SLC18A1: variants seen among roughly 807,000 people sequenced by gnomAD.
SLC18A1 encodes chromaffin granule amine transporter.
In SLC18A1, 69 loss-of-function variants were observed where a neutral mutation model predicts 53.7. The ratio of observed to expected loss-of-function variants is 1.28; its 90% CI spans 1.06 to 1.57. The LOEUF (loss-of-function observed/expected upper bound fraction) is 1.57. Ranked by LOEUF, SLC18A1 falls within the 40% of genes most tolerant of loss-of-function variation. The pLI is 0.00. For missense variants in SLC18A1, 932 were observed against 668.1 expected, an observed-to-expected ratio of 1.40 and a Z score of -4.35; for synonymous variants, 320 against 248.1, an observed-to-expected ratio of 1.29 and a Z score of -2.72.
At chr8:20,146,621 C>T (rs753236290) in intron 15 of SLC18A1, among the ~76,000 whole-genome samples, 4 of 151,942 alleles carry the variant, frequency 2.6e-5, no homozygotes, top group Non-Finnish European at 5.9e-5. Flanking sequence ...CTTTTAAAAA[C>T]GTGACCTGCT....
intron 10 of SLC18A1, among the ~76,000 whole-genome samples, chr8:20,152,981 A>G (rs538503860): frequency 2.7e-4 from 41 of 152,328 alleles, no homozygotes; most frequent in Middle Eastern, 3.4e-3. Context: ...CATTGCTTCC[A>G]TTTTATCATA....
chr8:20,165,705 A>C (rs2071941052), intron 8 of SLC18A1, among the ~76,000 whole-genome samples: 1 of 152,178 alleles, frequency 6.6e-6, no homozygotes, highest in African/African-American at 2.4e-5. Flanking sequence ...CTTTCCAAGC[A>C]TCCCAGCAGT....
intron 15 of SLC18A1, among the ~76,000 whole-genome samples, chr8:20,146,880 G>T (rs2071416015): frequency 6.6e-6 from 1 of 151,616 alleles, no homozygotes. Flanking sequence ...GTGAATGAGT[G>T]GATGAACGGA....
At chr8:20,160,851 C>T (rs538734383) in intron 10 of SLC18A1, among the ~76,000 whole-genome samples, 15 of 151,676 alleles carry the variant, frequency 9.9e-5, no homozygotes, top group South Asian at 4.2e-4. Flanking sequence ...ATAATACAGC[C>T]GAAGGGTATC....
intron 8 of SLC18A1, among the ~76,000 whole-genome samples, chr8:20,170,553 T>A (rs1563757609): frequency 1.3e-5 from 2 of 151,838 alleles, no homozygotes; most frequent in Non-Finnish European, 1.5e-5. Flanking sequence ...CCAGAGCTGT[T>A]TTTGGCTTAG....
intron 10 of SLC18A1, among the ~76,000 whole-genome samples, chr8:20,157,658 T>G (rs999670113): frequency 2.0e-5 from 3 of 152,226 alleles, no homozygotes; most frequent in Admixed American, 1.3e-4. Flanking sequence ...TCTTAAAAGA[T>G]AAGTTTATCA....
chr8:20,174,654 A>G (rs2072212353), intron 4 of SLC18A1, among the ~76,000 whole-genome samples: 2 of 152,174 alleles, frequency 1.3e-5, no homozygotes, highest in East Asian at 1.9e-4. Context: ...CTGAGAAACC[A>G]CAGAAGTATA....
intron 8 of SLC18A1, among the ~76,000 whole-genome samples, chr8:20,166,949 G>A (rs560340063): frequency 6.6e-6 from 1 of 152,286 alleles, no homozygotes; most frequent in African/African-American, 2.4e-5. Context: ...CTGCAAGCCA[G>A]GAAGAGAGGC....
intron 10 of SLC18A1, among the ~76,000 whole-genome samples, chr8:20,153,208 G>A (rs1479601384): frequency 6.8e-6 from 1 of 146,456 alleles, no homozygotes; most frequent in African/African-American, 2.5e-5. Context: ...GACCAACAGC[G>A]TGGTTGTGCG....
At chr8:20,173,950 G>A (rs958972362) in intron 5 of SLC18A1, among the ~76,000 whole-genome samples, 1 of 147,444 alleles carries the variant, frequency 6.8e-6, no homozygotes, top group Admixed American at 6.8e-5. Context: ...AGGCTGAAGT[G>A]CAGAGGCACA....
At chr8:20,167,571 G>C (rs1476855041) in intron 8 of SLC18A1, among the ~76,000 whole-genome samples, 1 of 152,028 alleles carries the variant, frequency 6.6e-6, no homozygotes, top group Non-Finnish European at 1.5e-5. Context: ...GAAACAAGGT[G>C]ACCCCAATGG....
chr8:20,182,293 T>C (rs4922137), intron 1 of SLC18A1, among the ~76,000 whole-genome samples: 7,579 of 152,294 alleles, frequency 0.05, 240 homozygotes, highest in Middle Eastern at 0.095. Context: ...TTTTTCTTAG[T>C]GAAAAAAGTC....
At chr8:20,150,620 C>T (rs748110187) in intron 11 of SLC18A1, 46 bp downstream of exon 11, 1 of 1,518,926 alleles carries the variant, frequency 6.6e-7, no homozygotes. Flanking sequence ...GGGCGCTCTT[C>T]CATCTTACAT....
intron 4 of SLC18A1, among the ~76,000 whole-genome samples, chr8:20,177,847 A>G (rs1031118769): frequency 6.6e-5 from 10 of 152,100 alleles, no homozygotes; most frequent in African/African-American, 2.2e-4. Flanking sequence ...TACTGTGTTT[A>G]TCCCATCTCC....
At chr8:20,174,503 C>T (rs374522412) in intron 4 of SLC18A1, 59 bp from the exon 5 acceptor site, 25 of 1,130,680 alleles carry the variant, frequency 2.2e-5, no homozygotes, top group Admixed American at 1.0e-4. Flanking sequence ...CTTCCCCAGC[C>T]GCCAGAGAAC....
intron 8 of SLC18A1, among the ~76,000 whole-genome samples, chr8:20,167,802 T>C (rs1247986687): frequency 6.6e-6 from 1 of 151,438 alleles, no homozygotes; most frequent in African/African-American, 2.4e-5. Context: ...TTTGTATTTT[T>C]AGTAGAGACG....
At chr8:20,171,272 T>C (rs1418522943) in intron 7 of SLC18A1, 126 bp from the exon 8 acceptor site, 1 of 1,325,984 alleles carries the variant, frequency 7.5e-7, no homozygotes, top group Non-Finnish European at 1.1e-6. Context: ...CTTTCTTTTC[T>C]ACAACGGGGC....
intron 7 of SLC18A1, 116 bp from the exon 8 acceptor site, chr8:20,171,262 C>T (rs2072108620): frequency 2.2e-6 from 3 of 1,363,500 alleles, no homozygotes; most frequent in Non-Finnish European, 3.1e-6. Flanking sequence ...TGAGTTTCTT[C>T]TTTCTTTTCT....
At chr8:20,168,044 G>C (rs1182816059) in intron 8 of SLC18A1, among the ~76,000 whole-genome samples, 1 of 152,106 alleles carries the variant, frequency 6.6e-6, no homozygotes, top group Non-Finnish European at 1.5e-5. Flanking sequence ...GTATCGAAAA[G>C]TAAAACATTA....
Sources: allele counts gnomAD v4.1 joint callset (sites outside exome capture counted in the v4.1 genomes callset), GRCh38; gene constraint gnomAD v4.1.1; transcripts MANE v1.5; gene names NCBI Gene and HGNC (gene_info 2026-07-23, HGNC 2026-07-21).